ASIC2: variants seen among roughly 807,000 people sequenced by gnomAD.
ASIC2 encodes acid sensing ion channel subunit 2.
In ASIC2, 25 loss-of-function variants were observed where a neutral mutation model predicts 57.3. That is an observed-to-expected ratio of 0.44 (90% CI 0.32 to 0.61). ASIC2 has a LOEUF of 0.61. ASIC2 is among the 20% of genes least tolerant of loss of function. The pLI is 0.06. For missense variants in ASIC2, 641 were observed against 738.1 expected (o/e 0.87, Z 1.52); for synonymous variants, 319 against 307.5 (o/e 1.04, Z -0.39).
Position 33,206,786 on chromosome 17 carries a change from T to G in ASIC2, c.708+84622A>C. The stretch of plus-strand genomic sequence containing the variant: ...GGAGAAGCTGTTTTTAAACTGATCC[T>G]GGATGAGTTACTGGAGATCAGAATT... On this transcript the variant is annotated intron_variant, in intron 1 of 9. Coordinates refer to ENST00000225823, the MANE Select transcript of ASIC2 (RefSeq NM_183377.2). Among the ~76,000 whole-genome samples, 2 of 152,172 alleles carry G rather than the reference T, an allele frequency of 1.3e-5. 1 individual carries two copies. The highest frequency in any genetic ancestry group is 2.9e-5 in the Non-Finnish European group (2 of 68,024).
At chr17:33,267,633 A>G (rs1437627190) in intron 1 of ASIC2, among the ~76,000 whole-genome samples, 2 of 152,222 alleles carry the variant, frequency 1.3e-5, no homozygotes, top group Admixed American at 1.3e-4. Flanking sequence ...GCAGTTAAGA[A>G]TAATTCTGGC....
At chr17:33,146,630 T>A (rs1904574538) in intron 1 of ASIC2, among the ~76,000 whole-genome samples, 5 of 152,232 alleles carry the variant, frequency 3.3e-5, no homozygotes. Flanking sequence ...CCTGTGGAGA[T>A]CAGGCAGAAA....
At chr17:33,946,027 G>A (rs912549050) in intron 1 of ASIC2, among the ~76,000 whole-genome samples, 1 of 152,180 alleles carries the variant, frequency 6.6e-6, no homozygotes, top group Admixed American at 6.5e-5. Context: ...CTTAGCATAC[G>A]ACATGCCACT....
intron 1 of ASIC2, among the ~76,000 whole-genome samples, chr17:33,321,061 A>T (rs981391462): frequency 6.6e-6 from 1 of 152,212 alleles, no homozygotes; most frequent in Non-Finnish European, 1.5e-5. Context: ...TTCGGTGAAC[A>T]TATGTATCCA....
At chr17:33,581,157 C>G (rs1339286699) in intron 1 of ASIC2, 1 of 152,170 alleles carries the variant, frequency 6.6e-6, no homozygotes, top group Non-Finnish European at 1.5e-5. Flanking sequence ...TTCTTAAAGG[C>G]AGAAGAGGAG....
chr17:34,009,667 C>G lies in ASIC2; in HGVS notation c.555+146311G>C, dbSNP rs922313185. ...TCTGAGGGAAGTAAGTACCATTTAT[C>G]CCAAGCACATGCTGGTTTATATTGC... On this transcript the variant is annotated intron_variant, in intron 1 of 9. Coordinates refer to the ASIC2 transcript ENST00000359872. Among the ~76,000 whole-genome samples, 5 of 152,158 alleles carry G rather than the reference C, an allele frequency of 3.3e-5. No homozygotes were observed. In the South Asian group the frequency reaches 8.3e-4, roughly 25 times the overall value.
intron 1 of ASIC2, among the ~76,000 whole-genome samples, chr17:33,592,458 T>C (rs780899469): frequency 7.9e-5 from 12 of 152,208 alleles, no homozygotes; most frequent in Non-Finnish European, 1.3e-4. Context: ...GAGGGAAGCT[T>C]AGAGGGGGTC....
At chr17:34,099,129 AG>A (rs1567820701) in intron 1 of ASIC2, among the ~76,000 whole-genome samples, 374 of 28,328 alleles carry the variant, frequency 0.013, 6 homozygotes, top group African/African-American at 0.041. Flanking sequence ...AGAGAGAGAG[AG>A]AGAGAGAGAG....
intron 1 of ASIC2, among the ~76,000 whole-genome samples, chr17:33,366,982 C>T (rs1908834297): frequency 6.6e-6 from 1 of 152,242 alleles, no homozygotes; most frequent in African/African-American, 2.4e-5. Context: ...ATTCCCTTTG[C>T]TTATAAAACT....
intron 1 of ASIC2, among the ~76,000 whole-genome samples, chr17:33,528,608 G>T (rs1025476276): frequency 1.3e-5 from 2 of 152,134 alleles, no homozygotes; most frequent in Non-Finnish European, 2.9e-5. Flanking sequence ...CTTGGGTAAA[G>T]GTGGCCTTTA....
chr17:34,095,602 AAATTTTATATATATATATATATATAT>A (rs1284751970), intron 1 of ASIC2, among the ~76,000 whole-genome samples: 8,477 of 93,602 alleles, frequency 0.091, 847 homozygotes, highest in African/African-American at 0.25. Context: ...AGAAGCAGGC[AAATTTTATATATATATATATATATAT>A]AATTTTATAT....
intron 1 of ASIC2, among the ~76,000 whole-genome samples, chr17:33,468,063 G>A (rs1275314172): frequency 2.0e-5 from 3 of 152,214 alleles, no homozygotes; most frequent in Non-Finnish European, 2.9e-5. Context: ...CAGACCAGCA[G>A]GCTTCTAGAC....
At chr17:33,392,196 C>CCCTCCT (rs1567846190) in intron 1 of ASIC2, among the ~76,000 whole-genome samples, 6 of 37,832 alleles carry the variant, frequency 1.6e-4, no homozygotes, top group Admixed American at 1.1e-3. Context: ...CCTTCCTTCC[C>CCCTCCT]TCCTTCCTTC....
At chr17:33,246,836 A>G (rs1908707215) in intron 1 of ASIC2, among the ~76,000 whole-genome samples, 1 of 152,186 alleles carries the variant, frequency 6.6e-6, no homozygotes, top group African/African-American at 2.4e-5. Flanking sequence ...AAGCTCACAC[A>G]GTGAGTCGGT....
chr17:33,476,504 C>CATATATATATATAT (rs67811038), intron 1 of ASIC2, among the ~76,000 whole-genome samples: 23 of 122,752 alleles, frequency 1.9e-4, no homozygotes, highest in Non-Finnish European at 3.1e-4. Flanking sequence ...TGTGTGTGTG[C>CATATATATATATAT]ATATATATAT....
chr17:34,136,389 TA>T (rs996293652), intron 1 of ASIC2, among the ~76,000 whole-genome samples: 34 of 152,060 alleles, frequency 2.2e-4, no homozygotes, highest in African/African-American at 7.7e-4. Flanking sequence ...TGACACCTTT[TA>T]AGAGACATTT....
At chr17:33,193,601 C>T (rs946167790) in intron 1 of ASIC2, among the ~76,000 whole-genome samples, 2 of 152,174 alleles carry the variant, frequency 1.3e-5, no homozygotes, top group Non-Finnish European at 2.9e-5. Context: ...AGTCCTGAAC[C>T]CATGACTGAC....
intron 1 of ASIC2, among the ~76,000 whole-genome samples, chr17:33,129,137 G>T (rs144841928): frequency 6.6e-6 from 1 of 152,232 alleles, no homozygotes; most frequent in African/African-American, 2.4e-5. Context: ...TATGTAAAGT[G>T]AGTACACCTG....
At chr17:33,965,258 G>A (rs1179101688) in intron 1 of ASIC2, among the ~76,000 whole-genome samples, 2 of 152,206 alleles carry the variant, frequency 1.3e-5, no homozygotes, top group Non-Finnish European at 2.9e-5. Flanking sequence ...CAAACAGCTG[G>A]TAAATGGCAG....
Sources: gnomAD v4.1 joint callset for allele counts (sites outside exome capture counted in the v4.1 genomes callset) on GRCh38, gnomAD v4.1.1 for gene constraint, MANE v1.5 for transcripts, NCBI Gene and HGNC (gene_info 2026-07-23, HGNC 2026-07-21) for gene names.